RHOT1: variants seen among roughly 807,000 people sequenced by gnomAD.
The protein encoded by RHOT1 is ras homolog family member T1, also known as mitochondrial Rho GTPase 1.
RHOT1 carries 27 observed loss-of-function variants against 95.3 expected under a neutral mutation model. That is an observed-to-expected ratio of 0.28 (90% CI 0.21 to 0.39). The LOEUF is 0.39. Ranked by LOEUF, RHOT1 falls within the 10% of genes least tolerant of loss-of-function variation. RHOT1 has a pLI of 1.00. For synonymous variants in RHOT1, 227 were observed against 263.5 expected, an observed-to-expected ratio of 0.86 and a Z score of 1.34; for missense variants, 578 against 786.7, an observed-to-expected ratio of 0.73 and a Z score of 3.17.
intron 16 of RHOT1, 33 bp from the exon 17 acceptor site, chr17:32,206,877 C>T (rs1331343852): frequency 7.0e-7 from 1 of 1,419,500 alleles, no homozygotes; most frequent in East Asian, 2.4e-5. Context: ...TATTATGATA[C>T]TTATATTTTT....
intron 1 of RHOT1, among the ~76,000 whole-genome samples, chr17:32,147,663 T>TA (rs2031571218): frequency 1.3e-5 from 2 of 151,464 alleles, no homozygotes; most frequent in Non-Finnish European, 1.5e-5. Context: ...CTACTAAACA[T>TA]ACAAAATTTA....
chr17:32,143,195 C>T, intron 1 of RHOT1: 1 of 454,294 alleles, frequency 2.2e-6, no homozygotes. Context: ...TTGCGTGAAC[C>T]GGCTCCCGGG....
intron 3 of RHOT1, among the ~76,000 whole-genome samples, chr17:32,174,533 A>G (rs950584904): frequency 3.9e-5 from 6 of 152,216 alleles, no homozygotes; most frequent in African/African-American, 1.2e-4. Context: ...TCACCTCAGT[A>G]TTAGAATTGA....
Position 32,178,212 on chromosome 17 carries a change from C to A in RHOT1, c.329+1999C>A, listed in dbSNP as rs193291398. ...GAAATAATAAATGCCCTCCCCCCCC[C>A]CAGTGATCTCCCTCTCTTGCCGAGT... On this transcript the variant is annotated intron_variant, in intron 6 of 19. Transcript: ENST00000545287. Among the ~76,000 whole-genome samples, 475 of 149,854 alleles carry A rather than the reference C, an allele frequency of 3.2e-3. 7 individuals are homozygous for A. The highest frequency in any genetic ancestry group is 0.011 in the African/African-American group (447 of 41,026).
chr17:32,192,403 TAAACATAAG>T, intron 9 of RHOT1, 104 bp downstream of exon 9: 1 of 695,966 alleles, frequency 1.4e-6, no homozygotes. Context: ...CAGTATGTTA[TAAACATAAG>T]TTTCTTTCTC....
chr17:32,195,846 A>G lies in RHOT1; in HGVS notation c.869+1739A>G, dbSNP rs142644734. Among the ~76,000 whole-genome samples the G allele has an allele frequency of 3.2e-3, 487 of 152,292 alleles. 1 individual carries two copies. Among genetic ancestry groups the G allele is most frequent in the Non-Finnish European group, 3.4e-3 (232 of 68,028 alleles). On this transcript the variant is annotated intron_variant, in intron 11 of 19. Transcript: ENST00000545287. ...TATATACTAAATGAATGAATTTGTT[A>G]TAGGACTCTCTCATAAGGTTTTCTT...
At chr17:32,143,604 A>ACCTTTTGAAAATATAATATAGGAG (rs2142325024) in intron 1 of RHOT1, among the ~76,000 whole-genome samples, 1 of 152,338 alleles carries the variant, frequency 6.6e-6, no homozygotes, top group African/African-American at 2.4e-5. Context: ...CATACATTTC[A>ACCTTTTGAAAATATAATATAGGAG]CCTTTTGAAA....
At position 32,183,270 on chromosome 17, in the gene RHOT1, G is replaced by C; in HGVS notation, c.538G>C (p.Glu180Gln). The change falls in exon 8 of 20, where the codon GAG becomes CAG. Residue 180 changes from glutamate (E) to glutamine (Q), a missense_variant and splice_region_variant. This residue lies in a region of RHOT1 where 227 missense variants were observed against 316.0 expected (regional missense o/e 0.72). Transcript: ENST00000545287. ...GCCCCTGTACTGCCCAGAGGAGAAG[G>C]AGGTAACAGGCTGTGTTTATAGGGG... The part of the protein sequence containing the change: ...TGPLYCPEEK[E>Q]MKPACIKALT... 1 of 1,445,438 alleles carries C rather than the reference G, an allele frequency of 6.9e-7. No homozygotes were observed. The highest frequency in any genetic ancestry group is 9.2e-7 in the Non-Finnish European group (1 of 1,090,072). The allele number at this position is 1,445,438 out of a possible 1,614,324, so 89.5% of individuals were successfully genotyped here.
chr17:32,142,781 G>A, intron 1 of RHOT1, 52 bp downstream of exon 1: 1 of 1,445,678 alleles, frequency 6.9e-7, no homozygotes, highest in Non-Finnish European at 9.2e-7. Flanking sequence ...CCCTGCCCCT[G>A]CAGCCCCTGT....
chr17:32,143,081 C>T (rs1567641745), intron 1 of RHOT1: 3 of 624,794 alleles, frequency 4.8e-6, no homozygotes, highest in Admixed American at 2.1e-5. Context: ...TCCTTCTGGG[C>T]CTCACAGTTT....
chr17:32,194,212 C>A, intron 11 of RHOT1, 105 bp downstream of exon 11: 2 of 1,191,522 alleles, frequency 1.7e-6, no homozygotes, highest in Non-Finnish European at 1.2e-6. Flanking sequence ...GTCAAGTGAT[C>A]CTCCCACCTT....
intron 2 of RHOT1, among the ~76,000 whole-genome samples, chr17:32,171,563 G>A (rs540551782): frequency 6.6e-6 from 1 of 152,272 alleles, no homozygotes; most frequent in South Asian, 2.1e-4. Flanking sequence ...TAAAATGGAA[G>A]CTGAAAGGGA....
chr17:32,224,558 G>A (rs2039030008), intron 19 of RHOT1, 58 bp from the exon 20 acceptor site: 1 of 1,198,240 alleles, frequency 8.3e-7, no homozygotes, highest in Non-Finnish European at 1.2e-6. Flanking sequence ...CTAAATAACT[G>A]GTATAGGGTT....
intron 8 of RHOT1, among the ~76,000 whole-genome samples, chr17:32,188,038 T>C (rs952787572): frequency 1.3e-5 from 2 of 152,244 alleles, no homozygotes; most frequent in Non-Finnish European, 2.9e-5. Context: ...CAAAGTTTAA[T>C]AGTTTCAATA....
At chr17:32,190,690 C>T (rs1288956539) in intron 8 of RHOT1, among the ~76,000 whole-genome samples, 2 of 152,074 alleles carry the variant, frequency 1.3e-5, no homozygotes, top group Admixed American at 1.3e-4. Flanking sequence ...AACAGGATCA[C>T]ATTTATAGAA....
chr17:32,219,352 T>G (rs1340811845), intron 19 of RHOT1, among the ~76,000 whole-genome samples: 1 of 152,190 alleles, frequency 6.6e-6, no homozygotes. Flanking sequence ...GGTCTTGAAC[T>G]CCTGGTCTTA....
intron 19 of RHOT1, among the ~76,000 whole-genome samples, chr17:32,212,218 GT>G (rs1182161765): frequency 9.9e-5 from 15 of 152,196 alleles, no homozygotes; most frequent in African/African-American, 3.6e-4. Flanking sequence ...AATGACCATA[GT>G]TTGTATCCAC....
chr17:32,189,453 A>G (rs982932922), intron 8 of RHOT1, among the ~76,000 whole-genome samples: 1 of 152,224 alleles, frequency 6.6e-6, no homozygotes, highest in Non-Finnish European at 1.5e-5. Flanking sequence ...TTAGCCTAGC[A>G]GTATATGAAA....
At chr17:32,172,918 C>T (rs977201966) in intron 2 of RHOT1, 2 of 152,300 alleles carry the variant, frequency 1.3e-5, no homozygotes, top group African/African-American at 4.8e-5. Context: ...ATGTTGATAA[C>T]CTGTTGGTTT....
Sources: allele counts gnomAD v4.1 joint callset (sites outside exome capture counted in the v4.1 genomes callset), GRCh38; gene constraint gnomAD v4.1.1; regional missense constraint gnomAD v4.1.1; transcripts MANE v1.5; gene names NCBI Gene and HGNC (gene_info 2026-07-23, HGNC 2026-07-21).